RDH13: variants seen among roughly 807,000 people sequenced by gnomAD.
RDH13 encodes the protein retinol dehydrogenase 13.
A neutral mutation model predicts 28.3 loss-of-function variants in RDH13; 35 were observed. The ratio of observed to expected loss-of-function variants is 1.24; its 90% CI spans 0.95 to 1.64. RDH13 has a LOEUF of 1.64. RDH13 is among the 40% of genes most tolerant of loss of function. The pLI is 0.00. For synonymous variants in RDH13, 229 were observed against 198.5 expected (o/e 1.15, Z -1.29); for missense variants, 514 against 446.3 (o/e 1.15, Z -1.37).
downstream of RDH13, chr19:55,044,206 G>A (rs750751992): frequency 3.3e-5 from 5 of 152,152 alleles, no homozygotes; most frequent in Non-Finnish European, 7.3e-5. Flanking sequence ...TGTTGCCCTG[G>A]TGATAAACTG....
intron 3 of RDH13, among the ~76,000 whole-genome samples, chr19:55,053,269 ACTG>A (rs2075516423): frequency 6.6e-6 from 1 of 152,148 alleles, no homozygotes; most frequent in Non-Finnish European, 1.5e-5. Flanking sequence ...TTTTAAATCC[ACTG>A]CTGTCTTTAT....
intron 6 of RDH13, among the ~76,000 whole-genome samples, chr19:55,046,283 C>T (rs1253241135): frequency 6.7e-6 from 1 of 148,998 alleles, no homozygotes; most frequent in Admixed American, 6.7e-5. Context: ...TTTATTGAGA[C>T]CTGGTGTCTT....
chr19:55,052,692 C>CA (rs1309861254), intron 3 of RDH13, among the ~76,000 whole-genome samples: 6 of 149,800 alleles, frequency 4.0e-5, no homozygotes, highest in South Asian at 2.1e-4. Flanking sequence ...GATGGAGTCT[C>CA]ACTCTGTCAC....
In RDH13 at chr19:55,048,332, G is replaced by T; in HGVS notation, c.655C>A (p.Gln219Lys). 6.2e-7 allele frequency: 1 copy of T among 1,614,110 alleles called. No homozygotes were observed. Among genetic ancestry groups the T allele is most frequent in the Non-Finnish European group, 8.5e-7 (1 of 1,180,042 alleles). ...GCCGAGCCTAGCGCCCCCGTACCTT[G>T]CAGCCGCCGGCTCAGCTCCTTGGTG... ...LFTKELSRRL[Q>K]GSGVTVNALH... The change falls in exon 5 of 7, where the codon CAA becomes AAA. Residue 219 changes from glutamine (Q) to lysine (K), a missense_variant. Gln to Lys is a moderately conservative substitution (Grantham distance 53). Coordinates refer to ENST00000415061, the MANE Select transcript of RDH13 (RefSeq NM_001145971.2).
rs1293690868 is a variant in RDH13 at position 55,045,158 on chromosome 19, CTCCTCA to C, written c.906_911del (p.Asp302_Glu303del). On this transcript the variant is annotated inframe_deletion, in exon 7 of 7. Transcript: ENST00000415061. ...TTTCAGCCCAAAGCCTCCGGGCCAC[CTCCTCA>C]TCCTCAGCCTCGGGGGCCGGGGCCT... The C allele has an allele frequency of 4.3e-6, 7 of 1,613,744 alleles. No homozygotes were observed. Among genetic ancestry groups the C allele is most frequent in the South Asian group, 1.1e-5 (1 of 91,076 alleles).
Position 55,063,067 on chromosome 19 carries a change from C to CAGGCGTCA in RDH13, c.-36_-35insTGACGCCT. 1 of 1,327,490 alleles carries CAGGCGTCA rather than the reference C, an allele frequency of 7.5e-7. No homozygotes were observed. The highest frequency in any genetic ancestry group is 9.6e-7 in the Non-Finnish European group (1 of 1,036,314). The allele number at this position is 1,327,490 out of a possible 1,614,324, so 82.2% of individuals were successfully genotyped here. On this transcript the variant is annotated 5_prime_UTR_variant, in exon 1 of 7. Coordinates refer to ENST00000415061, the MANE Select transcript of RDH13 (RefSeq NM_001145971.2). Reference sequence around the variant, plus strand: ...GGGACAGGCGTCAGGCGTCAGGGGTCGGCGCGGAGCTTGCTGCACACCAGC... The same window carrying CAGGCGTCA: ...GGGACAGGCGTCAGGCGTCAGGGGTCAGGCGTCAGGCGCGGAGCTTGCTGCACACCAGC...
intron 2 of RDH13, among the ~76,000 whole-genome samples, chr19:55,057,813 AT>A (rs35480304): frequency 0.084 from 11,949 of 141,998 alleles, 524 homozygotes; most frequent in Non-Finnish European, 0.11. Flanking sequence ...GTTTATTATT[AT>A]TTTTTTTTTT....
At chr19:55,064,681 C>T (rs1474203133), upstream of RDH13, among the ~76,000 whole-genome samples, 11 of 149,910 alleles carry the variant, frequency 7.3e-5, no homozygotes, top group Admixed American at 1.3e-4. Context: ...TGGGCGATCT[C>T]AGCTCACTGC....
In RDH13 at chr19:55,045,130, C is replaced by T. The variant is rs761854926; in HGVS notation, c.940G>A (p.Ala314Thr). ...EVARRLWAES[A>T]RLVGLEAPSV... is the part of the protein sequence containing the mutation. ...GGAGCCTCTAAGCCCACCAGGCGGG[C>T]ACTTTCAGCCCAAAGCCTCCGGGCC... Residue 314 changes from alanine to threonine, a missense_variant, in exon 7 of 7, where the codon GCC (alanine) becomes ACC (threonine). Ala to Thr is a moderately conservative substitution (Grantham distance 58). Transcript: ENST00000415061. 7 of 1,613,510 alleles carry T rather than the reference C, an allele frequency of 4.3e-6. No homozygotes were observed. Among genetic ancestry groups the T allele is most frequent in the Admixed American group, 3.3e-5 (2 of 60,002 alleles).
downstream of RDH13, among the ~76,000 whole-genome samples, chr19:55,039,975 G>C (rs543599606): frequency 1.3e-5 from 2 of 152,176 alleles, no homozygotes; most frequent in Non-Finnish European, 2.9e-5. Context: ...CTGAGGTATC[G>C]AGAGGAGTCA....
intron 3 of RDH13, among the ~76,000 whole-genome samples, chr19:55,050,066 C>T (rs1372571394): frequency 6.6e-6 from 1 of 151,766 alleles, no homozygotes; most frequent in Non-Finnish European, 1.5e-5. Flanking sequence ...AAGCAATCCT[C>T]CTGCTTTGGC....
downstream of RDH13, chr19:55,042,349 GA>G (rs1309064111): frequency 1.3e-5 from 2 of 152,310 alleles, no homozygotes; most frequent in African/African-American, 4.8e-5. Flanking sequence ...GAAGAGGGGG[GA>G]TATTGAAAAC....
chr19:55,042,658 A>AG (rs1311254039), downstream of RDH13: 1 of 152,156 alleles, frequency 6.6e-6, no homozygotes, highest in East Asian at 1.9e-4. Flanking sequence ...CGGCATGCTT[A>AG]GGGTAGTCTT....
chr19:55,045,702 T>G (rs908706416), intron 6 of RDH13, among the ~76,000 whole-genome samples: 2 of 152,060 alleles, frequency 1.3e-5, no homozygotes, highest in African/African-American at 4.8e-5. Context: ...TCCCAGCACT[T>G]TGGGAGGCCG....
At chr19:55,051,200 CTACCCGTGACAG>C (rs2075419883) in intron 3 of RDH13, among the ~76,000 whole-genome samples, 1 of 152,166 alleles carries the variant, frequency 6.6e-6, no homozygotes, top group African/African-American at 2.4e-5. Context: ...GTGAGAGAAT[CTACCCGTGACAG>C]AGCTGCGTGG....
At chr19:55,069,100 A>C (rs371718437) in intron 1 of RDH13, among the ~76,000 whole-genome samples, 18 of 131,286 alleles carry the variant, frequency 1.4e-4, no homozygotes, top group African/African-American at 4.8e-4. Context: ...CATCCCCCAG[A>C]GACCTGGGAA....
chr19:55,060,224 C>T (rs7249510), intron 1 of RDH13, among the ~76,000 whole-genome samples: 12,416 of 147,442 alleles, frequency 0.084, 612 homozygotes, highest in East Asian at 0.17. Context: ...CTGAATGTCT[C>T]GGTATAAAAC....
chr19:55,059,830 T>C (rs1381009567), intron 1 of RDH13, among the ~76,000 whole-genome samples: 1 of 152,232 alleles, frequency 6.6e-6, no homozygotes, highest in Non-Finnish European at 1.5e-5. Context: ...CCCAGCCACT[T>C]TGACCCAATC....
downstream of RDH13, chr19:55,042,973 C>T (rs527873133): frequency 1.4e-4 from 22 of 152,366 alleles, no homozygotes; most frequent in African/African-American, 3.8e-4. Flanking sequence ...TCTGCCCTAT[C>T]CTACTGCTAG....
Sources: allele counts gnomAD v4.1 joint callset (sites outside exome capture counted in the v4.1 genomes callset), GRCh38; gene constraint gnomAD v4.1.1; transcripts MANE v1.5; gene names NCBI Gene and HGNC (gene_info 2026-07-23, HGNC 2026-07-21).